ATG2A: variants seen among roughly 807,000 people sequenced by gnomAD.
ATG2A encodes the protein autophagy related 2A.
A neutral mutation model predicts 214.2 loss-of-function variants in ATG2A; 103 were observed. That is an observed-to-expected ratio of 0.48 (90% CI 0.41 to 0.57). The LOEUF (loss-of-function observed/expected upper bound fraction) is 0.57. Among genes scored for constraint, ATG2A ranks in the 20% least tolerant of loss-of-function variants. The pLI, the probability that ATG2A is intolerant of heterozygous loss-of-function variation, is 0.00. For missense variants in ATG2A, 2,312 were observed against 2,613.2 expected (o/e 0.88, Z 2.51); for synonymous variants, 1,160 against 1,142.1 (o/e 1.02, Z -0.32).
intron 36 of ATG2A, 70 bp downstream of exon 36, chr11:64,897,601 G>C: frequency 6.2e-7 from 1 of 1,609,052 alleles, no homozygotes; most frequent in Non-Finnish European, 8.5e-7. Context: ...CTGGATGCAA[G>C]ACCTGGCCCC....
At position 64,898,087 on chromosome 11, in the gene ATG2A, C is replaced by T. The variant is rs755019242; in HGVS notation, c.4857G>A (p.Glu1619=). Residue 1619 remains glutamate (E), a splice_region_variant and synonymous_variant, in exon 34 of 41, where the codon GAG becomes GAA. Coordinates refer to ENST00000377264, the MANE Select transcript of ATG2A (RefSeq NM_015104.3). This position sits in a 1 kb window ranked among gnomAD's most constrained non-coding sequence, Gnocchi z 4.5. ...CCCCTCCCTGGCCCAGCCTCTCACC[C>T]TCAGCGGAGGTCTCCCCTGGGACCA... ...NPVVPGETSA[E]ARPETRAQPS... The T allele has an allele frequency of 1.3e-5, 21 of 1,613,796 alleles. No homozygotes were observed. Among genetic ancestry groups the T allele is most frequent in the African/African-American group, 8.0e-5 (6 of 74,920 alleles).
intron 14 of ATG2A, 147 bp from the exon 15 acceptor site, chr11:64,909,514 T>C (rs1944681875): frequency 5.0e-6 from 7 of 1,413,722 alleles, no homozygotes; most frequent in African/African-American, 1.4e-5. Flanking sequence ...TCCACCCTAC[T>C]TGTCGGTGAG....
chr11:64,916,538 C>T (rs980760628), intron 1 of ATG2A, among the ~76,000 whole-genome samples: 4 of 152,250 alleles, frequency 2.6e-5, no homozygotes, highest in African/African-American at 9.6e-5. Context: ...CCACAGGTGT[C>T]CTCGCCAGGG....
At chr11:64,905,352 T>C (rs1944504053) in intron 24 of ATG2A, among the ~76,000 whole-genome samples, 1 of 152,142 alleles carries the variant, frequency 6.6e-6, no homozygotes, top group African/African-American at 2.4e-5. Flanking sequence ...CCCTCAGACA[T>C]GAGATTACAG....
Position 64,909,891 on chromosome 11 carries a change from C to CCGT in ATG2A, c.1894_1896dup (p.Thr632dup). On this transcript the variant is annotated inframe_insertion, in exon 14 of 41. Transcript: ENST00000377264. ...GCCCGGGGTGCAGAGAGCCGAAATA[C>CCGT]CGTCTGCTGCTCCATCGCCGGCAGG... 6.2e-7 allele frequency: 1 copy of CCGT among 1,606,826 alleles called. No homozygotes were observed.
intron 6 of ATG2A, 102 bp downstream of exon 6, chr11:64,912,936 C>G (rs1944832052): frequency 4.6e-6 from 4 of 868,318 alleles, no homozygotes; most frequent in Non-Finnish European, 6.9e-6. Flanking sequence ...GTAAATCCCG[C>G]ACTTGACATC....
chr11:64,911,308 A>G (rs370797116), intron 9 of ATG2A, 33 bp from the exon 10 acceptor site: 2 of 1,603,366 alleles, frequency 1.2e-6, no homozygotes, highest in Non-Finnish European at 1.7e-6. Flanking sequence ...AGGGGCTCCC[A>G]ACAGATTCCG....
Position 64,896,858 on chromosome 11 carries a change from A to ACAC in ATG2A, c.5159_5161dup (p.Gly1720dup). 2 of 1,613,858 alleles carry ACAC rather than the reference A, an allele frequency of 1.2e-6. No individual in the cohort carries two copies. Among genetic ancestry groups the ACAC allele is most frequent in the Non-Finnish European group, 1.7e-6 (2 of 1,179,792 alleles). Reference sequence around the variant, plus strand: ...GAGGGCATAGCCCAGCACCTTGTCCACACCCAGGAGCCTGGCAGGGCAGGG... The same window carrying ACAC: ...GAGGGCATAGCCCAGCACCTTGTCCACACCACCCAGGAGCCTGGCAGGGCAGGG... On this transcript the variant is annotated inframe_insertion, in exon 38 of 41. Transcript: ENST00000377264.
At position 64,911,930 on chromosome 11, in the gene ATG2A, A is replaced by G; in HGVS notation, c.1140T>C (p.Ser380=). 3.7e-6 allele frequency: 6 copies of G among 1,613,678 alleles called. No individual in the cohort carries two copies. The highest frequency in any genetic ancestry group is 5.1e-6 in the Non-Finnish European group (6 of 1,179,832). Residue 380 remains serine (S), a synonymous_variant, in exon 9 of 41, where the codon TCT becomes TCC. Coordinates refer to ENST00000377264, the MANE Select transcript of ATG2A (RefSeq NM_015104.3). ...GGTCTACATCGGAGAGGGAGAGCTC[A>G]GAGAGGGCTGAGGCCACACTGCTTG... ...GLTSSVASAL[S]ELSLSDVDLA... is the part of the protein sequence containing the mutation.
intron 1 of ATG2A, 112 bp downstream of exon 1, chr11:64,916,853 T>A: frequency 2.1e-6 from 3 of 1,453,240 alleles, no homozygotes; most frequent in Admixed American, 2.1e-5. Context: ...AAGATTCCCC[T>A]GGCCTCTCTA....
rs200748453 is a variant in ATG2A, at chr11:64,907,411, C to T, written c.2676G>A (p.Ser892=). ...AGTGGGCATCCTCGTCATCCGAGTC[C>T]GAGTCTGGGGTGAGATCAAAGCAGT... ...LANCFDLTPD[S]DSDDEDAHFF... is the part of the protein sequence containing the mutation. The change falls in exon 19 of 41, where the codon TCG becomes TCA. Residue 892 remains serine (S), a synonymous_variant. Coordinates refer to ENST00000377264, the MANE Select transcript of ATG2A (RefSeq NM_015104.3). The T allele has an allele frequency of 4.1e-5, 65 of 1,588,684 alleles. No homozygotes were observed. The highest frequency in any genetic ancestry group is 1.8e-4 in the South Asian group (16 of 87,638).
intron 31 of ATG2A, among the ~76,000 whole-genome samples, chr11:64,899,391 A>G (rs1264229618): frequency 6.6e-6 from 1 of 151,480 alleles, no homozygotes; most frequent in Non-Finnish European, 1.5e-5. Context: ...CTTCCTGCAC[A>G]CCCGCTGGCT....
In ATG2A at chr11:64,895,569, G is replaced by T. The variant is rs1944122862; in HGVS notation, c.5428-127C>A. On this transcript the variant is annotated intron_variant, in intron 39 of 40. Coordinates refer to ENST00000377264, the MANE Select transcript of ATG2A (RefSeq NM_015104.3). The surrounding 1 kb of genome is among the most constrained non-coding windows in gnomAD (Gnocchi z 5.0). ...GCCTGTCACTGTGCTGGCCTAGGGG[G>T]TCCTGCTCAGCCTCACTCCCCACTT... The T allele has an allele frequency of 9.0e-7, 1 of 1,106,962 alleles. No individual in the cohort carries two copies. Among genetic ancestry groups the T allele is most frequent in the East Asian group, 2.6e-5 (1 of 37,862 alleles). 68.6% of individuals were successfully genotyped at this position (1,106,962 alleles called of 1,614,324 possible). A position where few individuals can be genotyped will look rare whatever the true frequency, so the allele number is the denominator to read the frequency against.
chr11:64,914,505 G>C lies in ATG2A; in HGVS notation c.172-5C>G. The C allele has an allele frequency of 6.2e-7, 1 of 1,611,126 alleles. No individual in the cohort carries two copies. Among genetic ancestry groups the C allele is most frequent in the Non-Finnish European group, 8.5e-7 (1 of 1,179,130 alleles). On this transcript the variant is annotated splice_region_variant and splice_polypyrimidine_tract_variant and intron_variant, in intron 1 of 40. Transcript: ENST00000377264. Reference sequence around the variant, plus strand: ...CTCCAGCACCTCGTTCACAGACTGGGAGCAAGCAAGAGACAAAACCAGCTC... The same window carrying C: ...CTCCAGCACCTCGTTCACAGACTGGCAGCAAGCAAGAGACAAAACCAGCTC...
chr11:64,902,929 C>T (rs546937979), intron 26 of ATG2A, among the ~76,000 whole-genome samples: 1 of 151,996 alleles, frequency 6.6e-6, no homozygotes, highest in Non-Finnish European at 1.5e-5. Flanking sequence ...CACCCTACCC[C>T]ACTCCCCGTG....
In ATG2A at chr11:64,897,693, T is replaced by A; in HGVS notation, c.5045A>T (p.Lys1682Met). 6.2e-7 allele frequency: 1 copy of A among 1,614,244 alleles called. No homozygotes were observed. Among genetic ancestry groups the A allele is most frequent in the South Asian group, 1.1e-5 (1 of 91,088 alleles). Residue 1682 changes from lysine (K) to methionine (M), a missense_variant, in exon 36 of 41, where the codon AAG (lysine) becomes ATG (methionine). Coordinates refer to ENST00000377264, the MANE Select transcript of ATG2A (RefSeq NM_015104.3). Reference protein sequence around the residue: ...EVPIWLDYHGKHVTMDQVGTF... With the variant: ...EVPIWLDYHGMHVTMDQVGTF... ...TACCACCTGGTCCATCGTGACGTGC[T>A]TGCCATGGTAATCCAGCCAGATGGG...
At chr11:64,900,389 G>A (rs1944310169) in intron 31 of ATG2A, 105 bp downstream of exon 31, 1 of 1,545,138 alleles carries the variant, frequency 6.5e-7, no homozygotes. Context: ...CCACTACAAA[G>A]GCAGGGGTTT....
At chr11:64,897,639 A>ACATG (rs768657845) in intron 36 of ATG2A, 32 bp downstream of exon 36, 1 of 1,614,004 alleles carries the variant, frequency 6.2e-7, no homozygotes, top group East Asian at 2.2e-5. Context: ...AGCTGACCCC[A>ACATG]CATGGCCACC....
At position 64,898,247 on chromosome 11, in the gene ATG2A, C is replaced by A. The variant is rs145890967; in HGVS notation, c.4773+14G>T. 13 of 1,613,634 alleles carry A rather than the reference C, an allele frequency of 8.1e-6. No homozygotes were observed. The highest frequency in any genetic ancestry group is 1.7e-5 in the Admixed American group (1 of 59,972). Reference sequence around the variant, plus strand: ...GGGGTCACCCTAGGCTCTGCCCTCACGTAGACCACTCACCTGGTCCACATT... The same window carrying A: ...GGGGTCACCCTAGGCTCTGCCCTCAAGTAGACCACTCACCTGGTCCACATT... On this transcript the variant is annotated intron_variant, in intron 33 of 40. Transcript: ENST00000377264. The surrounding 1 kb of genome is among the most constrained non-coding windows in gnomAD (Gnocchi z 4.5).
Sources: allele counts gnomAD v4.1 joint callset (sites outside exome capture counted in the v4.1 genomes callset), GRCh38; gene constraint gnomAD v4.1.1; non-coding constraint Gnocchi (gnomAD v3.1); transcripts MANE v1.5; gene names NCBI Gene and HGNC (gene_info 2026-07-23, HGNC 2026-07-21).